Variants in SNX29 observed in about 807,000 individuals in gnomAD.
SNX29 encodes the protein sorting nexin 29, also known as sorting nexin-29.
SNX29 carries 78 observed loss-of-function variants against 102.1 expected under a neutral mutation model. The ratio of observed to expected loss-of-function variants is 0.76; its 90% CI spans 0.64 to 0.92. The LOEUF (loss-of-function observed/expected upper bound fraction) is 0.92. Ranked by LOEUF, SNX29 falls within the 40% of genes least tolerant of loss-of-function variation. The probability of loss-of-function intolerance (pLI) is 0.00; values close to 1 mark genes in which losing one functional copy is unlikely to be tolerated. For missense variants in SNX29, 1,280 were observed against 1,061.7 expected (o/e 1.21, Z -2.86); for synonymous variants, 580 against 414.5 (o/e 1.40, Z -4.85).
chr16:12,260,168 T>C (rs2078692377), intron 14 of SNX29, among the ~76,000 whole-genome samples: 1 of 152,186 alleles, frequency 6.6e-6, no homozygotes, highest in African/African-American at 2.4e-5. Flanking sequence ...TAAACCTATC[T>C]TTTTTATCCC....
chr16:12,004,525 C>A (rs1399666814), intron 3 of SNX29, among the ~76,000 whole-genome samples: 2 of 152,108 alleles, frequency 1.3e-5, no homozygotes, highest in Non-Finnish European at 2.9e-5. Flanking sequence ...CTGATCCTTG[C>A]TCTGTAGCCC....
chr16:12,200,480 C>G (rs918062668), intron 14 of SNX29, among the ~76,000 whole-genome samples: 1 of 92,434 alleles, frequency 1.1e-5, no homozygotes, highest in East Asian at 3.6e-4. Context: ...TCCCCACATT[C>G]ACGTGTCTTT....
intron 18 of SNX29, among the ~76,000 whole-genome samples, chr16:12,453,140 C>T (rs1597431183): frequency 1.3e-5 from 2 of 152,190 alleles, no homozygotes; most frequent in Admixed American, 6.5e-5. Context: ...TTTCCACAGA[C>T]GAACCAACTG....
chr16:12,193,001 C>G (rs2076682191), intron 13 of SNX29, among the ~76,000 whole-genome samples: 1 of 152,072 alleles, frequency 6.6e-6, no homozygotes, highest in African/African-American at 2.4e-5. Context: ...TGTGCTCAGT[C>G]TAAAAAATTT....
chr16:12,048,939 G>C (rs1567564020), intron 7 of SNX29, among the ~76,000 whole-genome samples: 1 of 152,234 alleles, frequency 6.6e-6, no homozygotes, highest in African/African-American at 2.4e-5. Context: ...ATCGTATTCT[G>C]TGTGTTAGGC....
At chr16:12,007,150 G>A (rs1218534208) in intron 3 of SNX29, among the ~76,000 whole-genome samples, 1 of 152,176 alleles carries the variant, frequency 6.6e-6, no homozygotes, top group Non-Finnish European at 1.5e-5. Flanking sequence ...AAATGTATTT[G>A]GGTAAAGGTG....
intron 19 of SNX29, among the ~76,000 whole-genome samples, chr16:12,499,913 G>A (rs904110247): frequency 6.6e-6 from 1 of 152,162 alleles, no homozygotes; most frequent in Non-Finnish European, 1.5e-5. Flanking sequence ...CTGGGCTCAA[G>A]GGATCCACCT....
chr16:12,404,071 C>G (rs1359507918), intron 18 of SNX29, among the ~76,000 whole-genome samples: 1 of 152,162 alleles, frequency 6.6e-6, no homozygotes, highest in African/African-American at 2.4e-5. Context: ...TGATTCAGCT[C>G]ATGTGACCAC....
Position 12,401,262 on chromosome 16 carries a change from C to T in SNX29, c.1956-2186C>T, listed in dbSNP as rs77304489. 7.3e-3 allele frequency among the ~76,000 whole-genome samples: 1,106 copies of T among 152,158 alleles called. 16 individuals carry two copies. Among genetic ancestry groups the T allele is most frequent in the African/African-American group, 0.025 (1,028 of 41,506 alleles). ...ATTCTTCTCAAGTGCCTGTAACTTTCCAGGAAAGACTGTATGTTAGGCCAC... is the reference window on the plus strand; with the variant it reads ...ATTCTTCTCAAGTGCCTGTAACTTTTCAGGAAAGACTGTATGTTAGGCCAC... On this transcript the variant is annotated intron_variant, in intron 17 of 20. Coordinates refer to ENST00000566228, the MANE Select transcript of SNX29 (RefSeq NM_032167.5).
chr16:11,989,505 T>G (rs2055760870), intron 1 of SNX29, among the ~76,000 whole-genome samples: 1 of 152,180 alleles, frequency 6.6e-6, no homozygotes, highest in Non-Finnish European at 1.5e-5. Context: ...ATTGTCCATT[T>G]TATCTGTGCG....
At position 12,537,883 on chromosome 16, in the gene SNX29, G is replaced by A. The variant is rs373096412; in HGVS notation, c.2318+13042G>A. Among the ~76,000 whole-genome samples the A allele has an allele frequency of 2.6e-4, 39 of 151,874 alleles. 1 individual carries two copies. The South Asian group carries it at 5.6e-3, about 22-fold the overall frequency. On this transcript the variant is annotated intron_variant, in intron 20 of 20. Transcript: ENST00000566228. Reference sequence around the variant, plus strand: ...GCTTATAGTCCCAGCTTTTTGGGACGCTAAGGCAGGAGAGTCACTGGAACC... The same window carrying A: ...GCTTATAGTCCCAGCTTTTTGGGACACTAAGGCAGGAGAGTCACTGGAACC...
intron 13 of SNX29, among the ~76,000 whole-genome samples, chr16:12,177,888 T>G (rs1290879433): frequency 2.0e-5 from 3 of 152,178 alleles, no homozygotes; most frequent in African/African-American, 7.2e-5. Flanking sequence ...TCACGGAGCT[T>G]AGGTTCTTGT....
rs1237329960 is a variant in SNX29 at position 12,077,411 on chromosome 16, G to A, written c.1320-1422G>A. ...GGTGTGTGTGTGTGTGTGTGTGTGT[G>A]TGTGTGTGTGTGTGTGTATCTCTGT... On this transcript the variant is annotated intron_variant, in intron 10 of 20. Coordinates refer to ENST00000566228, the MANE Select transcript of SNX29 (RefSeq NM_032167.5). Among the ~76,000 whole-genome samples, 8 of 151,832 alleles carry A rather than the reference G, an allele frequency of 5.3e-5. No individual in the cohort carries two copies. In the South Asian group the frequency reaches 1.3e-3, roughly 24 times the overall value.
At chr16:12,468,195 T>TAA (rs2087156595) in intron 18 of SNX29, among the ~76,000 whole-genome samples, 2 of 103,242 alleles carry the variant, frequency 1.9e-5, no homozygotes, top group East Asian at 2.5e-4. Context: ...TTTTTTTTTT[T>TAA]AGGGGGAGTT....
In SNX29 at chr16:12,549,136, G is replaced by A. The variant is rs151006632; in HGVS notation, c.2319-19370G>A. Among the ~76,000 whole-genome samples the A allele has an allele frequency of 7.8e-4, 119 of 152,292 alleles. 1 individual carries two copies. The highest frequency in any genetic ancestry group is 2.8e-4 in the Non-Finnish European group (19 of 68,030). ...ATAGCAGATGGAAAATTCTGGGGTA[G>A]TTTTGATTTAGCAGTTATCACATTT... is the stretch of plus-strand genomic sequence containing the variant. On this transcript the variant is annotated intron_variant, in intron 20 of 20. Coordinates refer to ENST00000566228, the MANE Select transcript of SNX29 (RefSeq NM_032167.5).
chr16:12,306,202 A>G (rs1305054116), intron 15 of SNX29, among the ~76,000 whole-genome samples: 1 of 152,186 alleles, frequency 6.6e-6, no homozygotes, highest in Non-Finnish European at 1.5e-5. Context: ...TGCTCTGTCA[A>G]CTGGAATGGC....
chr16:12,484,332 A>C (rs1047426950), intron 19 of SNX29, among the ~76,000 whole-genome samples: 5 of 151,284 alleles, frequency 3.3e-5, no homozygotes, highest in Admixed American at 6.6e-5. Context: ...GATTATTCTA[A>C]CTCCAAGCCA....
intron 3 of SNX29, among the ~76,000 whole-genome samples, chr16:12,019,567 T>G (rs1162408196): frequency 1.3e-5 from 2 of 150,504 alleles, no homozygotes; most frequent in Non-Finnish European, 2.9e-5. Flanking sequence ...CCCTTTGGAA[T>G]TGTTATATAT....
At chr16:12,229,673 C>T (rs980567402) in intron 14 of SNX29, among the ~76,000 whole-genome samples, 2 of 151,566 alleles carry the variant, frequency 1.3e-5, no homozygotes, top group Admixed American at 1.3e-4. Flanking sequence ...CTTCAAAGAT[C>T]TACCGTCAAA....
Sources: allele counts gnomAD v4.1 joint callset (sites outside exome capture counted in the v4.1 genomes callset), GRCh38; gene constraint gnomAD v4.1.1; transcripts MANE v1.5; gene names NCBI Gene and HGNC (gene_info 2026-07-23, HGNC 2026-07-21).